Variants in RGL1 observed in about 807,000 individuals in gnomAD.
RGL1 encodes the protein ral guanine nucleotide dissociation stimulator-like 1.
RGL1 carries 24 observed loss-of-function variants against 95.2 expected under a neutral mutation model. The ratio of observed to expected loss-of-function variants is 0.25; its 90% CI spans 0.18 to 0.35. RGL1 has a LOEUF of 0.35. Ranked by LOEUF, RGL1 falls within the 10% of genes least tolerant of loss-of-function variation. The pLI is 1.00. For synonymous variants in RGL1, 329 were observed against 344.9 expected (o/e 0.95, Z 0.51); for missense variants, 715 against 936.3 (o/e 0.76, Z 3.08).
At chr1:183,871,793 G>T (rs1236782273) in intron 4 of RGL1, among the ~76,000 whole-genome samples, 1 of 152,210 alleles carries the variant, frequency 6.6e-6, no homozygotes, top group Non-Finnish European at 1.5e-5. Context: ...ATCAGATTGT[G>T]CAGGGACTCC....
intron 2 of RGL1, among the ~76,000 whole-genome samples, chr1:183,836,068 G>A (rs1663628293): frequency 6.6e-6 from 1 of 152,150 alleles, no homozygotes; most frequent in South Asian, 2.1e-4. Context: ...TTCCTTAAGT[G>A]GGAATAATTC....
At chr1:183,900,907 G>A (rs1667978256) in intron 11 of RGL1, among the ~76,000 whole-genome samples, 1 of 151,598 alleles carries the variant, frequency 6.6e-6, no homozygotes, top group Admixed American at 6.6e-5. Flanking sequence ...TCTCATGCCT[G>A]TAATCCCAGC....
chr1:183,818,807 T>A (rs1337487271), intron 2 of RGL1, among the ~76,000 whole-genome samples: 2 of 152,244 alleles, frequency 1.3e-5, no homozygotes, highest in African/African-American at 4.8e-5. Flanking sequence ...TAAGTTCCAT[T>A]TTTTGAAGCA....
At chr1:183,651,946 C>A (rs865827950) in intron 1 of RGL1, among the ~76,000 whole-genome samples, 21 of 152,196 alleles carry the variant, frequency 1.4e-4, no homozygotes, top group Admixed American at 4.6e-4. Context: ...CCCAAACTTT[C>A]ATGCTTTTTA....
chr1:183,921,344 T>C (rs532763155), intron 16 of RGL1, among the ~76,000 whole-genome samples: 1 of 152,346 alleles, frequency 6.6e-6, no homozygotes, highest in East Asian at 1.9e-4. Flanking sequence ...CTACCCCAAA[T>C]CTAGATAAAG....
chr1:183,905,824 A>C (rs1668287425), intron 13 of RGL1, among the ~76,000 whole-genome samples: 1 of 152,184 alleles, frequency 6.6e-6, no homozygotes, highest in Admixed American at 6.5e-5. Flanking sequence ...GGGGAACAAA[A>C]AAAGAATATT....
chr1:183,773,049 AT>A (rs1558198810), intron 2 of RGL1, among the ~76,000 whole-genome samples: 205 of 142,244 alleles, frequency 1.4e-3, no homozygotes, highest in African/African-American at 5.0e-3. Flanking sequence ...AAAAAAAAAA[AT>A]TTCACTCTGA....
At chr1:183,647,843 G>A (rs750420334) in intron 1 of RGL1, 9 of 1,614,156 alleles carry the variant, frequency 5.6e-6, no homozygotes, top group Non-Finnish European at 7.6e-6. Flanking sequence ...CGATATTCCT[G>A]GGTTTATTTG....
At chr1:183,653,791 T>C (rs1356000580) in intron 1 of RGL1, among the ~76,000 whole-genome samples, 1 of 152,202 alleles carries the variant, frequency 6.6e-6, no homozygotes, top group East Asian at 1.9e-4. Context: ...TCCCTCCAGT[T>C]TAAGACAAGA....
chr1:183,761,282 A>C (rs1326651762), intron 2 of RGL1, among the ~76,000 whole-genome samples: 1 of 152,236 alleles, frequency 6.6e-6, no homozygotes, highest in Non-Finnish European at 1.5e-5. Context: ...CAAACTTGAA[A>C]GACAAAATTA....
chr1:183,685,986 C>T (rs10157799), intron 1 of RGL1, among the ~76,000 whole-genome samples: 9,655 of 152,226 alleles, frequency 0.063, 516 homozygotes, highest in African/African-American at 0.14. Flanking sequence ...TTGCTTTTTA[C>T]GTTATCAACA....
At chr1:183,706,981 C>T (rs770743869) in intron 1 of RGL1, among the ~76,000 whole-genome samples, 18 of 152,094 alleles carry the variant, frequency 1.2e-4, no homozygotes, top group Non-Finnish European at 1.8e-4. Flanking sequence ...TTCAGTTAAA[C>T]GAGACAGAAA....
chr1:183,830,702 T>G (rs1663202449), intron 2 of RGL1, among the ~76,000 whole-genome samples: 1 of 151,804 alleles, frequency 6.6e-6, no homozygotes, highest in Non-Finnish European at 1.5e-5. Context: ...AACCCATGAC[T>G]TAAGTAATTT....
rs10911451 is a variant in RGL1, at chr1:183,856,255, C to A, written c.347+8481C>A. Among the ~76,000 whole-genome samples the A allele has an allele frequency of 8.8e-3, 1,330 of 151,690 alleles. 17 individuals carry two copies. The highest frequency in any genetic ancestry group is 0.031 in the African/African-American group (1,264 of 41,342). On this transcript the variant is annotated intron_variant, in intron 3 of 17. Transcript: ENST00000360851. The stretch of plus-strand genomic sequence containing the variant: ...GTTGATGACTTCCTAGGCAAAAAAA[C>A]CCAAAAAAACTTGGATGGGTTACAC...
Position 183,847,595 on chromosome 1 carries a change from C to T in RGL1, c.168C>T (p.His56=), listed in dbSNP as rs201567761. Residue 56 remains histidine, a synonymous_variant, in exon 3 of 18, where the codon CAC becomes CAT. Coordinates refer to ENST00000360851, the MANE Select transcript of RGL1 (RefSeq NM_001297671.3). ...GVEGDQLPPG[H]TVSQYETCKI... ...AAGGGGACCAGCTGCCTCCAGGACA[C>T]ACAGTCAGTCAATATGAAACCTGTA... 1 of 1,614,000 alleles carries T rather than the reference C, an allele frequency of 6.2e-7. No homozygotes were observed. Among genetic ancestry groups the T allele is most frequent in the Non-Finnish European group, 8.5e-7 (1 of 1,179,960 alleles).
chr1:183,908,121 T>C (rs528747372), intron 14 of RGL1, among the ~76,000 whole-genome samples: 4 of 152,198 alleles, frequency 2.6e-5, no homozygotes, highest in Non-Finnish European at 5.9e-5. Context: ...AAAACCACCA[T>C]TATTTTTAAT....
intron 2 of RGL1, among the ~76,000 whole-genome samples, chr1:183,836,417 A>T (rs1165407114): frequency 1.4e-5 from 2 of 145,138 alleles, no homozygotes; most frequent in Non-Finnish European, 1.5e-5. Flanking sequence ...CACCCAGCTA[A>T]TTTTTTTTTT....
intron 3 of RGL1, among the ~76,000 whole-genome samples, chr1:183,855,539 C>G (rs2102561250): frequency 6.6e-6 from 1 of 152,352 alleles, no homozygotes; most frequent in South Asian, 2.1e-4. Flanking sequence ...ACTTCCTTTT[C>G]TTTCAGTAAG....
At chr1:183,803,367 A>T (rs1320463404), upstream of RGL1, among the ~76,000 whole-genome samples, 3 of 152,216 alleles carry the variant, frequency 2.0e-5, no homozygotes, top group African/African-American at 7.2e-5. Context: ...TTTCAGGTAG[A>T]TGGTTGTCCC....
Sources: gnomAD v4.1 joint callset for allele counts (sites outside exome capture counted in the v4.1 genomes callset) on GRCh38, gnomAD v4.1.1 for gene constraint, MANE v1.5 for transcripts, NCBI Gene and HGNC (gene_info 2026-07-23, HGNC 2026-07-21) for gene names.